The following RFTN2 variants were observed in gnomAD, a reference collection of about 807,000 sequenced individuals.
RFTN2 encodes the protein raftlin-2.
RFTN2 carries 34 observed loss-of-function variants against 52.7 expected under a neutral mutation model. The ratio of observed to expected loss-of-function variants is 0.64; its 90% confidence interval spans 0.49 to 0.86. The LOEUF (loss-of-function observed/expected upper bound fraction) is 0.86, where lower values mean the gene tolerates loss of function less well. RFTN2 is among the 40% of genes least tolerant of loss of function. The pLI is 0.00. For missense variants in RFTN2, 536 were observed against 600.1 expected (o/e 0.89, Z 1.12); for synonymous variants, 203 against 217.7 (o/e 0.93, Z 0.59).
At chr2:197,665,230 A>G (rs2089034973) in intron 1 of RFTN2, among the ~76,000 whole-genome samples, 1 of 152,190 alleles carries the variant, frequency 6.6e-6, no homozygotes, top group African/African-American at 2.4e-5. Context: ...GGAACCTTCT[A>G]TACTTTCTGT....
chr2:197,582,055 G>A (rs568197213), intron 8 of RFTN2, among the ~76,000 whole-genome samples: 7 of 152,302 alleles, frequency 4.6e-5, no homozygotes, highest in South Asian at 2.1e-4. Context: ...CACAAGGACC[G>A]GGACGGTGTC....
chr2:197,652,981 A>C (rs2088845005), intron 1 of RFTN2, among the ~76,000 whole-genome samples: 1 of 152,242 alleles, frequency 6.6e-6, no homozygotes, highest in African/African-American at 2.4e-5. Flanking sequence ...CAAAGGCAGG[A>C]GGCTCACTAA....
chr2:197,662,790 T>A (rs2088997546), intron 1 of RFTN2, among the ~76,000 whole-genome samples: 2 of 152,224 alleles, frequency 1.3e-5, no homozygotes, highest in African/African-American at 2.4e-5. Flanking sequence ...AAAATTTTTT[T>A]ATAAAAATTT....
At position 197,636,981 on chromosome 2, in the gene RFTN2, GCAT is replaced by G. The variant is rs2088577905; in HGVS notation, c.439-2987_439-2985del. 2.0e-5 allele frequency among the ~76,000 whole-genome samples: 3 copies of G among 152,232 alleles called. 1 individual carries two copies. In the South Asian group the frequency reaches 6.2e-4, roughly 32 times the overall value. ...TTAAATTTTGTCAAAGGCCTTTTCT[GCAT>G]CTATTGAGATAATCATGTGGTTTTT... On this transcript the variant is annotated intron_variant, in intron 3 of 8. Transcript: ENST00000295049.
chr2:197,575,406 A>C (rs2106160384), intron 8 of RFTN2, among the ~76,000 whole-genome samples: 1 of 152,300 alleles, frequency 6.6e-6, no homozygotes, highest in Middle Eastern at 3.4e-3. Context: ...TTCAAGGGTG[A>C]AGTGGACCCT....
intron 3 of RFTN2, among the ~76,000 whole-genome samples, chr2:197,643,785 TTG>T (rs1311889987): frequency 2.0e-5 from 3 of 152,226 alleles, no homozygotes; most frequent in African/African-American, 7.2e-5. Context: ...CCATTTTCTT[TTG>T]TTTTTTTATA....
intron 5 of RFTN2, among the ~76,000 whole-genome samples, chr2:197,626,079 G>A (rs1416638121): frequency 2.0e-5 from 3 of 151,244 alleles, no homozygotes; most frequent in Admixed American, 1.3e-4. Context: ...GTGAGCCACC[G>A]CACCTTGCTA....
chr2:197,605,297 G>C (rs1473101538), intron 7 of RFTN2, among the ~76,000 whole-genome samples: 1 of 151,280 alleles, frequency 6.6e-6, no homozygotes, highest in Non-Finnish European at 1.5e-5. Context: ...CTCACTGCCA[G>C]CTCCGCCTCC....
At chr2:197,597,601 C>T (rs1024318835) in intron 7 of RFTN2, among the ~76,000 whole-genome samples, 1 of 151,992 alleles carries the variant, frequency 6.6e-6, no homozygotes, top group Non-Finnish European at 1.5e-5. Flanking sequence ...CTCACCGCAA[C>T]GTCACCTCCT....
rs572428960 is a variant in RFTN2, at chr2:197,607,280, C to T, written c.1154+8596G>A. Among the ~76,000 whole-genome samples, 82 of 151,862 alleles carry T rather than the reference C, an allele frequency of 5.4e-4. 2 individuals carry two copies. The South Asian group carries it at 8.3e-3, about 15-fold the overall frequency. ...TCACTCACAGGTGGGAATTGAACAA[C>T]GAGAACACATGGACACAGGAAGGGG... On this transcript the variant is annotated intron_variant, in intron 7 of 8. Transcript: ENST00000295049.
Position 197,568,980 on chromosome 2 carries a change from C to T in RFTN2, c.*3028G>A, listed in dbSNP as rs2087275066. 6.6e-6 allele frequency: 1 copy of T among 152,188 alleles called. No homozygotes were observed. The highest frequency in any genetic ancestry group is 2.4e-5 in the African/African-American group (1 of 41,440). The allele number at this position is 152,188 out of a possible 1,614,324, so 9.4% of individuals were successfully genotyped here. On this transcript the variant is annotated 3_prime_UTR_variant, in exon 9 of 9. Transcript: ENST00000295049. ...CCTGCTTCTCCTCCTCCTGAAAGCC[C>T]TAGAATCTCTCAAAGAGGGTGACCT... is the stretch of plus-strand genomic sequence containing the variant.
intron 8 of RFTN2, among the ~76,000 whole-genome samples, chr2:197,573,319 T>C (rs951451557): frequency 6.6e-6 from 1 of 152,128 alleles, no homozygotes; most frequent in African/African-American, 2.4e-5. Flanking sequence ...CAGATGGAGA[T>C]GAGGAACTTG....
chr2:197,631,876 A>T (rs1269008214), intron 4 of RFTN2, among the ~76,000 whole-genome samples: 1 of 152,192 alleles, frequency 6.6e-6, no homozygotes, highest in East Asian at 1.9e-4. Flanking sequence ...AGGAAGCTTA[A>T]CATCACCGGT....
intron 7 of RFTN2, among the ~76,000 whole-genome samples, chr2:197,610,295 G>T (rs1244090579): frequency 6.6e-6 from 1 of 152,134 alleles, no homozygotes; most frequent in African/African-American, 2.4e-5. Flanking sequence ...ATTTCCTTGA[G>T]CAGTGATTTG....
intron 5 of RFTN2, among the ~76,000 whole-genome samples, chr2:197,624,227 T>C (rs1396113152): frequency 6.6e-6 from 1 of 152,172 alleles, no homozygotes; most frequent in Non-Finnish European, 1.5e-5. Flanking sequence ...TTTGAGAGGA[T>C]TGACTCCCAT....
In RFTN2 at chr2:197,631,017, A is replaced by C. The variant is rs746447696; in HGVS notation, c.922T>G (p.Ser308Ala). ...TCATTAACATAAAACTTACCTTTAG[A>C]TGTTTCCCAGAATACAAAAGAATCA... is the stretch of plus-strand genomic sequence containing the variant. ...LIDSFVFWET[S>A]KGEHLPKSLE... is the part of the protein sequence containing the mutation. The change falls in exon 5 of 9, where the codon TCT becomes GCT. Residue 308 changes from serine to alanine, a missense_variant. Physicochemically the swap from Ser to Ala is moderately conservative, Grantham distance 99. Transcript: ENST00000295049. 6.3e-7 allele frequency: 1 copy of C among 1,587,512 alleles called. No individual in the cohort carries two copies. Among genetic ancestry groups the C allele is most frequent in the South Asian group, 1.1e-5 (1 of 90,014 alleles).
At chr2:197,573,049 C>T (rs2087345061) in intron 8 of RFTN2, among the ~76,000 whole-genome samples, 1 of 140,802 alleles carries the variant, frequency 7.1e-6, no homozygotes, top group South Asian at 2.2e-4. Context: ...TCGGGTATGT[C>T]TTTATTAGCA....
At position 197,570,761 on chromosome 2, in the gene RFTN2, CATATT is replaced by C. The variant is rs1489346762; in HGVS notation, c.*1242_*1246del. On this transcript the variant is annotated 3_prime_UTR_variant, in exon 9 of 9. Coordinates refer to ENST00000295049, the MANE Select transcript of RFTN2 (RefSeq NM_144629.3). ...AGCCACAAAAAACCCCCAAACCAAACATATTATATGAATATTTGTGTTCAATAAAA... is the reference window on the plus strand; with the variant it reads ...AGCCACAAAAAACCCCCAAACCAAACATATGAATATTTGTGTTCAATAAAA... The C allele has an allele frequency of 1.3e-5, 2 of 152,166 alleles. No homozygotes were observed. Among genetic ancestry groups the C allele is most frequent in the Non-Finnish European group, 2.9e-5 (2 of 68,032 alleles). 9.4% of individuals were successfully genotyped at this position (152,166 alleles called of 1,614,324 possible).
intron 5 of RFTN2, among the ~76,000 whole-genome samples, chr2:197,624,632 A>G (rs1284629199): frequency 6.8e-6 from 1 of 147,064 alleles, no homozygotes; most frequent in East Asian, 2.0e-4. Context: ...GAAAGAGCCA[A>G]TTGATGCAGC....
Sources: allele counts gnomAD v4.1 joint callset (sites outside exome capture counted in the v4.1 genomes callset), GRCh38; gene constraint gnomAD v4.1.1; transcripts MANE v1.5; gene names NCBI Gene and HGNC (gene_info 2026-07-23, HGNC 2026-07-21).